The following PRDM2 variants were observed in gnomAD, a reference collection of about 807,000 sequenced individuals.
The protein encoded by PRDM2 is PR/SET domain 2.
A neutral mutation model predicts 130.0 loss-of-function variants in PRDM2; 30 were observed. That is an observed-to-expected ratio of 0.23 (90% CI 0.17 to 0.31). The LOEUF (loss-of-function observed/expected upper bound fraction) is 0.31. Ranked by LOEUF, PRDM2 falls within the 10% of genes least tolerant of loss-of-function variation. PRDM2 has a pLI of 1.00. For missense variants in PRDM2, 2,011 were observed against 2,108.4 expected (o/e 0.95, Z 0.90); for synonymous variants, 871 against 782.4 (o/e 1.11, Z -1.89).
At chr1:13,777,011 G>A (rs527853444) in intron 7 of PRDM2, among the ~76,000 whole-genome samples, 2 of 152,158 alleles carry the variant, frequency 1.3e-5, no homozygotes, top group Non-Finnish European at 2.9e-5. Context: ...TTACTTGGAT[G>A]TCTATAATCA....
At chr1:13,762,067 T>G (rs1006072172) in intron 6 of PRDM2, among the ~76,000 whole-genome samples, 2 of 152,264 alleles carry the variant, frequency 1.3e-5, no homozygotes, top group African/African-American at 4.8e-5. Context: ...TTTCTGTAAT[T>G]TGTTTAGTAG....
chr1:13,788,329 G>GT (rs1644781946), intron 8 of PRDM2, among the ~76,000 whole-genome samples: 1 of 152,202 alleles, frequency 6.6e-6, no homozygotes, highest in African/African-American at 2.4e-5. Flanking sequence ...ACTCACTCGG[G>GT]TAAGAGTAAA....
At chr1:13,813,312 C>T (rs1312253622) in intron 8 of PRDM2, among the ~76,000 whole-genome samples, 1 of 152,156 alleles carries the variant, frequency 6.6e-6, no homozygotes, top group African/African-American at 2.4e-5. Context: ...GAGAAGCACC[C>T]AATTCCGGAG....
At chr1:13,810,948 G>C (rs1645163242) in intron 8 of PRDM2, among the ~76,000 whole-genome samples, 1 of 151,678 alleles carries the variant, frequency 6.6e-6, no homozygotes, top group Non-Finnish European at 1.5e-5. Flanking sequence ...ACTTTGGGAG[G>C]CCGAGGTGGG....
At chr1:13,773,223 T>TACATACACACCCAATTCA in intron 7 of PRDM2, 35 bp downstream of exon 7, 3 of 1,290,522 alleles carry the variant, frequency 2.3e-6, no homozygotes, top group Non-Finnish European at 3.2e-6. Flanking sequence ...CTGAATTGGG[T>TACATACACACCCAATTCA]GTGTATGTAC....
rs898986672 is a variant in PRDM2, at chr1:13,803,686, A to G, written c.5037-12741A>G. 6.6e-6 allele frequency among the ~76,000 whole-genome samples: 1 copy of G among 152,160 alleles called. No individual in the cohort carries two copies. Among genetic ancestry groups the G allele is most frequent in the Non-Finnish European group, 1.5e-5 (1 of 68,026 alleles). On this transcript the variant is annotated intron_variant, in intron 8 of 9. Coordinates refer to ENST00000311066, the MANE Select transcript of PRDM2 (RefSeq NM_001393986.1). This position sits in a 1 kb window ranked among gnomAD's most constrained non-coding sequence, Gnocchi z 6.2. ...CTCGGGTCTTGGCAGCAAAAGAGGCAGCCACAGCCGGGGGCTTTCCCCGCG... is the reference window on the plus strand; with the variant it reads ...CTCGGGTCTTGGCAGCAAAAGAGGCGGCCACAGCCGGGGGCTTTCCCCGCG...
At chr1:13,815,302 G>A (rs1645239684) in intron 8 of PRDM2, among the ~76,000 whole-genome samples, 1 of 152,098 alleles carries the variant, frequency 6.6e-6, no homozygotes, top group African/African-American at 2.4e-5. Context: ...AGTAGAGACA[G>A]GGTTTCACCA....
At chr1:13,801,925 T>A (rs1645013336) in intron 8 of PRDM2, among the ~76,000 whole-genome samples, 1 of 152,088 alleles carries the variant, frequency 6.6e-6, no homozygotes, top group South Asian at 2.1e-4. Flanking sequence ...GAGTGCAGGA[T>A]CCTGGGAAGG....
Position 13,778,996 on chromosome 1 carries a change from A to G in PRDM2, c.1201A>G (p.Thr401Ala). 3 of 1,614,222 alleles carry G rather than the reference A, an allele frequency of 1.9e-6. No homozygotes were observed. Among genetic ancestry groups the G allele is most frequent in the Non-Finnish European group, 2.5e-6 (3 of 1,180,024 alleles). Residue 401 changes from threonine to alanine, a missense_variant, in exon 8 of 10, where the codon ACA becomes GCA. Thr to Ala is a moderately conservative substitution (Grantham distance 58, BLOSUM62 0). Transcript: ENST00000311066. ...CAAGTACTGTGGGAAAGCCTTTGGC[A>G]CACAGATTAACCGGCGGCGACATGA... ...KCKYCGKAFG[T>A]QINRRRHERR...
At chr1:13,716,231 A>G (rs959188421) in intron 2 of PRDM2, among the ~76,000 whole-genome samples, 2 of 148,310 alleles carry the variant, frequency 1.3e-5, no homozygotes, top group African/African-American at 2.5e-5. Flanking sequence ...ATTCTTATTC[A>G]TAGGTGGGAA....
rs1644390803 is a variant in PRDM2 at position 13,773,013 on chromosome 1, G to C, written c.512-65G>C. ...TTCAGTAATTCAGAATAACACATGA[G>C]GGAATGAATGAATGAATAAATAAAA... On this transcript the variant is annotated intron_variant, in intron 6 of 9. Coordinates refer to ENST00000311066, the MANE Select transcript of PRDM2 (RefSeq NM_001393986.1). 23 of 890,982 alleles carry C rather than the reference G, an allele frequency of 2.6e-5. 1 individual carries two copies. The East Asian group carries it at 6.4e-4, about 25-fold the overall frequency. 55.2% of individuals were successfully genotyped at this position (890,982 alleles called of 1,614,324 possible). A position where few individuals can be genotyped will look rare whatever the true frequency, so the allele number is the denominator to read the frequency against.
At chr1:13,745,502 G>A (rs1643575288) in intron 5 of PRDM2, among the ~76,000 whole-genome samples, 1 of 148,792 alleles carries the variant, frequency 6.7e-6, no homozygotes, top group South Asian at 2.1e-4. Context: ...TTGGCTCATT[G>A]CAACCTCCGC....
chr1:13,771,401 T>C lies in PRDM2; in HGVS notation c.512-1677T>C, dbSNP rs148733095. Among the ~76,000 whole-genome samples the C allele has an allele frequency of 6.6e-6, 1 of 152,288 alleles. No individual in the cohort carries two copies. Among genetic ancestry groups the C allele is most frequent in the African/African-American group, 2.4e-5 (1 of 41,556 alleles). ...TTATTTGCTCAAACCCTGATAAACG[T>C]AGTGGCAAAAACATCGGATTTCCTA... On this transcript the variant is annotated intron_variant, in intron 6 of 9. Coordinates refer to ENST00000311066, the MANE Select transcript of PRDM2 (RefSeq NM_001393986.1). This position sits in a 1 kb window ranked among gnomAD's most constrained non-coding sequence, Gnocchi z 4.1.
At chr1:13,820,703 C>G (rs999203322) in intron 9 of PRDM2, among the ~76,000 whole-genome samples, 1 of 151,612 alleles carries the variant, frequency 6.6e-6, no homozygotes, top group Non-Finnish European at 1.5e-5. Context: ...CGGCCCATCT[C>G]CCTTGTATGA....
At position 13,751,902 on chromosome 1, in the gene PRDM2, ATT is replaced by A. The variant is rs1223061996; in HGVS notation, c.511+2417_511+2418del. Among the ~76,000 whole-genome samples, 3 of 152,054 alleles carry A rather than the reference ATT, an allele frequency of 2.0e-5. No homozygotes were observed. In the South Asian group the frequency reaches 6.2e-4, roughly 32 times the overall value. On this transcript the variant is annotated intron_variant, in intron 6 of 9. Transcript: ENST00000311066. ...CGTGTTTGGGTAGAGCAAAGCCCTG[ATT>A]TCTTTATATACAAAGTAGTGGCCCC...
chr1:13,779,683 G>C lies in PRDM2; in HGVS notation c.1888G>C (p.Gly630Arg), dbSNP rs1644562009. 1 of 1,613,974 alleles carries C rather than the reference G, an allele frequency of 6.2e-7. No individual in the cohort carries two copies. Among genetic ancestry groups the C allele is most frequent in the African/African-American group, 1.3e-5 (1 of 74,996 alleles). ...VTEDLPKEPLGSTNSEAKKRR... is the reference protein window; with the variant it reads ...VTEDLPKEPLRSTNSEAKKRR... ...AGAAGATCTTCCTAAAGAGCCTTTG[G>C]GCAGCACAAATAGTGAGGCCAAGAA... The change falls in exon 8 of 10, where the codon GGC becomes CGC. Residue 630 changes from glycine to arginine, a missense_variant. Gly to Arg is a moderately radical substitution (Grantham distance 125). Around this residue, in one of 5 missense-constraint regions of PRDM2, gnomAD observed 1,288 missense variants for 1,237.7 expected, o/e 1.04. Coordinates refer to ENST00000311066, the MANE Select transcript of PRDM2 (RefSeq NM_001393986.1). The surrounding 1 kb of genome is among the most constrained non-coding windows in gnomAD (Gnocchi z 4.9).
At chr1:13,716,196 A>G (rs1051335352) in intron 2 of PRDM2, among the ~76,000 whole-genome samples, 4 of 151,816 alleles carry the variant, frequency 2.6e-5, no homozygotes, top group African/African-American at 7.3e-5. Flanking sequence ...AAACTATCGC[A>G]AGAACAAAAA....
chr1:13,745,776 G>A (rs1374836366), intron 5 of PRDM2, among the ~76,000 whole-genome samples: 1 of 152,166 alleles, frequency 6.6e-6, no homozygotes, highest in Non-Finnish European at 1.5e-5. Context: ...GTGGCTGTAG[G>A]GAGGAGGAGA....
chr1:13,759,359 C>T lies in PRDM2; in HGVS notation c.511+9872C>T, dbSNP rs534223251. ...TGTGCAATGTTTGAAGTTGCAATGC[C>T]GTTTAGAATGGGCAACAATGCAGTT... On this transcript the variant is annotated intron_variant, in intron 6 of 9. Coordinates refer to ENST00000311066, the MANE Select transcript of PRDM2 (RefSeq NM_001393986.1). Among the ~76,000 whole-genome samples, 7 of 152,172 alleles carry T rather than the reference C, an allele frequency of 4.6e-5. No homozygotes were observed. The South Asian group carries it at 6.2e-4, about 14-fold the overall frequency.
Sources: allele counts gnomAD v4.1 joint callset (sites outside exome capture counted in the v4.1 genomes callset), GRCh38; gene constraint gnomAD v4.1.1; regional missense constraint gnomAD v4.1.1; non-coding constraint Gnocchi (gnomAD v3.1); transcripts MANE v1.5; gene names NCBI Gene and HGNC (gene_info 2026-07-23, HGNC 2026-07-21).